SMAP1: variants seen among roughly 807,000 people sequenced by gnomAD.
SMAP1 encodes stromal membrane-associated protein 1.
In SMAP1, 24 loss-of-function variants were observed where a neutral mutation model predicts 58.5. The observed-to-expected ratio is 0.41, with a 90% CI of 0.30 to 0.58. SMAP1 has a LOEUF of 0.58. SMAP1 is among the 20% of genes least tolerant of loss of function. SMAP1 has a pLI of 0.29. For synonymous variants in SMAP1, 216 were observed against 196.6 expected (o/e 1.10, Z -0.82); for missense variants, 563 against 566.3 (o/e 0.99, Z 0.06).
At position 70,860,824 on chromosome 6, in the gene SMAP1, T is replaced by C. The variant is rs1771688841; in HGVS notation, c.*490T>C. ...GTATCAAAATGCTCTTATTTCATCA[T>C]TCACTTCACTGTGCTGTTGTTATGA... On this transcript the variant is annotated 3_prime_UTR_variant, in exon 11 of 11. Coordinates refer to ENST00000370455, the MANE Select transcript of SMAP1 (RefSeq NM_001044305.3). 2 of 396,886 alleles carry C rather than the reference T, an allele frequency of 5.0e-6. No individual in the cohort carries two copies. Among genetic ancestry groups the C allele is most frequent in the Non-Finnish European group, 8.9e-6 (2 of 224,800 alleles). 24.6% of individuals were successfully genotyped at this position (396,886 alleles called of 1,614,324 possible). A position where few individuals can be genotyped will look rare whatever the true frequency, so the allele number is the denominator to read the frequency against.
intron 1 of SMAP1, among the ~76,000 whole-genome samples, chr6:70,715,333 C>T (rs1458246183): frequency 6.6e-6 from 1 of 151,958 alleles, no homozygotes; most frequent in Non-Finnish European, 1.5e-5. Context: ...TGGGCTCAGT[C>T]CACCTGTCTT....
At chr6:70,788,272 G>A (rs193185137) in intron 4 of SMAP1, among the ~76,000 whole-genome samples, 9 of 140,088 alleles carry the variant, frequency 6.4e-5, no homozygotes. Flanking sequence ...GACACAGGAA[G>A]GGGAACATCA....
intron 1 of SMAP1, among the ~76,000 whole-genome samples, chr6:70,725,097 T>A (rs1405504038): frequency 1.5e-4 from 1 of 6,810 alleles, no homozygotes; most frequent in Admixed American, 1.6e-3. Flanking sequence ...ACCAGTGTTT[T>A]TTTTTTTTTT....
At chr6:70,789,202 T>C (rs937829460) in intron 4 of SMAP1, among the ~76,000 whole-genome samples, 4 of 152,188 alleles carry the variant, frequency 2.6e-5, no homozygotes, top group African/African-American at 9.7e-5. Flanking sequence ...ATAATTCATA[T>C]ATAATAAAAG....
At chr6:70,668,598 C>T in intron 1 of SMAP1, 4 of 1,535,790 alleles carry the variant, frequency 2.6e-6, no homozygotes, top group Non-Finnish European at 3.5e-6. Context: ...CCACGTCCTC[C>T]CACTCCGGGC....
chr6:70,845,336 G>C (rs1657178049), intron 7 of SMAP1, among the ~76,000 whole-genome samples: 1 of 152,202 alleles, frequency 6.6e-6, no homozygotes, highest in African/African-American at 2.4e-5. Flanking sequence ...TAGTGCAAGA[G>C]GGGGATGGGG....
intron 2 of SMAP1, among the ~76,000 whole-genome samples, chr6:70,738,629 T>C (rs1012084511): frequency 2.0e-5 from 3 of 152,228 alleles, no homozygotes; most frequent in South Asian, 2.1e-4. Flanking sequence ...AAATTTCTTA[T>C]GGAAGGCAAA....
intron 1 of SMAP1, among the ~76,000 whole-genome samples, chr6:70,700,851 GGATCCT>G (rs778257347): frequency 1.3e-5 from 2 of 152,166 alleles, no homozygotes; most frequent in Non-Finnish European, 2.9e-5. Flanking sequence ...AGCAGGTAAT[GGATCCT>G]GCCAGAACTG....
At chr6:70,760,979 C>T (rs1189148560) in intron 3 of SMAP1, among the ~76,000 whole-genome samples, 2 of 151,974 alleles carry the variant, frequency 1.3e-5, no homozygotes, top group Non-Finnish European at 2.9e-5. Flanking sequence ...TTAATTACTT[C>T]AGTTCCATGA....
chr6:70,745,655 G>C (rs941420829), intron 2 of SMAP1, among the ~76,000 whole-genome samples: 96 of 152,230 alleles, frequency 6.3e-4, no homozygotes, highest in Non-Finnish European at 9.9e-4. Context: ...TTGGCAATGT[G>C]GGCTCTTTTT....
chr6:70,719,089 C>T (rs940016383), intron 1 of SMAP1, among the ~76,000 whole-genome samples: 6 of 152,044 alleles, frequency 3.9e-5, no homozygotes, highest in Non-Finnish European at 7.4e-5. Context: ...CTTATGGACT[C>T]TTTAACAGTA....
intron 1 of SMAP1, among the ~76,000 whole-genome samples, chr6:70,722,669 G>A (rs1768582017): frequency 6.6e-6 from 1 of 152,218 alleles, no homozygotes; most frequent in South Asian, 2.1e-4. Flanking sequence ...GATAACCATT[G>A]TTTCTATAGA....
intron 6 of SMAP1, among the ~76,000 whole-genome samples, chr6:70,810,741 A>G (rs963760454): frequency 1.3e-5 from 2 of 152,054 alleles, no homozygotes; most frequent in Non-Finnish European, 2.9e-5. Context: ...TGTCTGGCTA[A>G]TTTTTTAAAA....
At chr6:70,717,916 A>G (rs1461152929) in intron 1 of SMAP1, among the ~76,000 whole-genome samples, 1 of 152,220 alleles carries the variant, frequency 6.6e-6, no homozygotes, top group Non-Finnish European at 1.5e-5. Flanking sequence ...TTTATCTTAT[A>G]TATCTATTTT....
intron 1 of SMAP1, chr6:70,693,940 A>T (rs1489810025): frequency 1.9e-5 from 3 of 156,558 alleles, no homozygotes; most frequent in Non-Finnish European, 4.2e-5. Context: ...CCCTGATTCT[A>T]TCTTTTTCCT....
At chr6:70,742,011 G>A (rs1765833653) in intron 2 of SMAP1, among the ~76,000 whole-genome samples, 1 of 152,200 alleles carries the variant, frequency 6.6e-6, no homozygotes, top group Admixed American at 6.5e-5. Flanking sequence ...CACACAGCAG[G>A]GGGCCCTGGC....
At chr6:70,721,905 G>A (rs1768546163) in intron 1 of SMAP1, among the ~76,000 whole-genome samples, 1 of 152,066 alleles carries the variant, frequency 6.6e-6, no homozygotes, top group Non-Finnish European at 1.5e-5. Context: ...ACCTTGCCCC[G>A]GATCCCTCCC....
intron 6 of SMAP1, among the ~76,000 whole-genome samples, chr6:70,808,198 G>A (rs1186140230): frequency 2.0e-5 from 3 of 152,106 alleles, no homozygotes; most frequent in Non-Finnish European, 2.9e-5. Context: ...GTGGATCCAC[G>A]CAGTTCAAAC....
chr6:70,779,076 CTG>C (rs1209401317), intron 4 of SMAP1, among the ~76,000 whole-genome samples: 1 of 152,228 alleles, frequency 6.6e-6, no homozygotes, highest in Non-Finnish European at 1.5e-5. Flanking sequence ...GGGTCACTGT[CTG>C]TGGTGGCAGC....
Sources: gnomAD v4.1 joint callset for allele counts (sites outside exome capture counted in the v4.1 genomes callset) on GRCh38, gnomAD v4.1.1 for gene constraint, MANE v1.5 for transcripts, NCBI Gene and HGNC (gene_info 2026-07-23, HGNC 2026-07-21) for gene names.